The following SASH1 variants were observed in gnomAD, a reference collection of about 807,000 sequenced individuals.
The protein encoded by SASH1 is SAM and SH3 domain-containing protein 1.
A neutral mutation model predicts 125.2 loss-of-function variants in SASH1; 44 were observed. The ratio of observed to expected loss-of-function variants is 0.35; its 90% confidence interval spans 0.28 to 0.45. The LOEUF (loss-of-function observed/expected upper bound fraction) is 0.45, where lower values mean the gene tolerates loss of function less well. SASH1 is among the 20% of genes least tolerant of loss of function. The probability of loss-of-function intolerance (pLI) is 1.00; values close to 1 mark genes in which losing one functional copy is unlikely to be tolerated. For synonymous variants in SASH1, 639 were observed against 649.1 expected, an observed-to-expected ratio of 0.98 and a Z score of 0.24; for missense variants, 1,426 against 1,614.5, an observed-to-expected ratio of 0.88 and a Z score of 2.00.
chr6:148,413,121 G>T (rs1234164705), intron 2 of SASH1, among the ~76,000 whole-genome samples: 1 of 152,170 alleles, frequency 6.6e-6, no homozygotes, highest in African/African-American at 2.4e-5. Context: ...TTCAGTTTCA[G>T]TTACATTAGT....
At chr6:148,251,937 G>GT in the SASH1 span, among the ~76,000 whole-genome samples, 2 of 149,086 alleles carry the variant, frequency 1.3e-5, no homozygotes, top group South Asian at 2.1e-4. Context: ...GCGGTGTTTG[G>GT]TTTTTTGTCC....
intron 1 of SASH1, among the ~76,000 whole-genome samples, chr6:148,354,013 A>T (rs1361329293): frequency 6.6e-6 from 1 of 152,088 alleles, no homozygotes; most frequent in Non-Finnish European, 1.5e-5. Context: ...CTACAAAAAA[A>T]ATTTAAAAGA....
intron 5 of SASH1, among the ~76,000 whole-genome samples, chr6:148,470,247 T>C (rs532273302): frequency 6.6e-6 from 1 of 152,164 alleles, no homozygotes; most frequent in African/African-American, 2.4e-5. Context: ...TTCCCACAGC[T>C]CTGGGGGCTG....
intron 1 of SASH1, chr6:148,280,409 A>T (rs983663543): frequency 6.6e-6 from 1 of 152,112 alleles, no homozygotes; most frequent in Non-Finnish European, 1.5e-5. Context: ...GGATATAATA[A>T]CACTCACCTT....
intron 1 of SASH1, among the ~76,000 whole-genome samples, chr6:148,358,739 T>G (rs9498012): frequency 0.32 from 44,856 of 139,456 alleles, 7,436 homozygotes; most frequent in East Asian, 0.42. Flanking sequence ...TTTTGTTTTT[T>G]TTTTTTTTTT....
At position 148,548,721 on chromosome 6, in the gene SASH1, C is replaced by G. The variant is rs1328593150; in HGVS notation, c.*163C>G. ...ACCTTGGCACAGGACTGAGGATCCT[C>G]TCCTCCAGAAAAGCCCCCTCGAGGA... On this transcript the variant is annotated 3_prime_UTR_variant, in exon 20 of 20. Coordinates refer to ENST00000367467, the MANE Select transcript of SASH1 (RefSeq NM_015278.5). 1 of 723,230 alleles carries G rather than the reference C, an allele frequency of 1.4e-6. No homozygotes were observed. The allele number at this position is 723,230 out of a possible 1,614,324, so 44.8% of individuals were successfully genotyped here.
At chr6:148,541,660 C>G (rs1782225780) in intron 17 of SASH1, among the ~76,000 whole-genome samples, 1 of 152,074 alleles carries the variant, frequency 6.6e-6, no homozygotes, top group Non-Finnish European at 1.5e-5. Context: ...AAGTGGGTGT[C>G]CAGGATGCAA....
At chr6:148,528,743 G>A (rs1318297757) in intron 12 of SASH1, among the ~76,000 whole-genome samples, 1 of 152,202 alleles carries the variant, frequency 6.6e-6, no homozygotes, top group Non-Finnish European at 1.5e-5. Context: ...TGGTTTCGTG[G>A]AAGGCAATTT....
intron 12 of SASH1, among the ~76,000 whole-genome samples, chr6:148,530,018 G>T (rs1438138055): frequency 6.6e-6 from 1 of 152,096 alleles, no homozygotes; most frequent in Non-Finnish European, 1.5e-5. Context: ...CGTTGGCCAG[G>T]CTGGTCTCGA....
chr6:148,237,508 T>G, the SASH1 span: 1 of 152,222 alleles, frequency 6.6e-6, no homozygotes, highest in Non-Finnish European at 1.5e-5. Flanking sequence ...TATTCCATTT[T>G]TTTTGTCCTC....
intron 1 of SASH1, among the ~76,000 whole-genome samples, chr6:148,379,542 C>T (rs763743924): frequency 5.3e-5 from 8 of 152,166 alleles, no homozygotes; most frequent in South Asian, 2.1e-4. Context: ...TCCTAGTTAC[C>T]GAGTGAATTT....
intron 7 of SASH1, among the ~76,000 whole-genome samples, chr6:148,477,366 G>A (rs1015016676): frequency 4.0e-5 from 6 of 151,708 alleles, no homozygotes; most frequent in Non-Finnish European, 7.4e-5. Context: ...AACTCAATAG[G>A]AAAAAAAATC....
Position 148,531,636 on chromosome 6 carries a change from T to C in SASH1, c.1539T>C (p.Ser513=). The C allele has an allele frequency of 6.4e-7, 1 of 1,558,996 alleles. No homozygotes were observed. The highest frequency in any genetic ancestry group is 8.7e-7 in the Non-Finnish European group (1 of 1,154,418). The part of the protein sequence containing the change: ...KAGGSVESLR[S]SLSGQSSMSG... The stretch of plus-strand genomic sequence containing the variant: ...GGGGTTCTGTAGAAAGTCTTCGCAG[T>C]TCTCTCAGTGGGCAGAGCTCCATGA... The change falls in exon 13 of 20, where the codon AGT becomes AGC. Residue 513 remains serine (S), a synonymous_variant. Coordinates refer to ENST00000367467, the MANE Select transcript of SASH1 (RefSeq NM_015278.5).
At chr6:148,277,566 A>T (rs528782995) in intron 1 of SASH1, among the ~76,000 whole-genome samples, 44 of 152,350 alleles carry the variant, frequency 2.9e-4, no homozygotes, top group African/African-American at 1.1e-3. Flanking sequence ...AATGTCCAGG[A>T]AATTCTACAA....
chr6:148,424,815 C>T (rs1295885758), intron 2 of SASH1, among the ~76,000 whole-genome samples: 1 of 152,218 alleles, frequency 6.6e-6, no homozygotes, highest in Non-Finnish European at 1.5e-5. Flanking sequence ...GAGCAGCCTT[C>T]TTTGGACCAG....
rs538127288 is a variant in SASH1 at position 148,323,773 on chromosome 6, G to A, written n.74+51396G>A. 4.6e-5 allele frequency among the ~76,000 whole-genome samples: 7 copies of A among 152,230 alleles called. No homozygotes were observed. The South Asian group carries it at 1.2e-3, about 27-fold the overall frequency. On this transcript the variant is annotated intron_variant and non_coding_transcript_variant, in intron 1 of 3. Transcript: ENST00000367469. Reference sequence around the variant, plus strand: ...GGAGGCACTGCTCAGGCATACATGAGCCACATGTATGGAGGCTACATGTGT... The same window carrying A: ...GGAGGCACTGCTCAGGCATACATGAACCACATGTATGGAGGCTACATGTGT...
chr6:148,395,516 A>C (rs1562378137), intron 2 of SASH1, among the ~76,000 whole-genome samples: 1 of 152,246 alleles, frequency 6.6e-6, no homozygotes, highest in Non-Finnish European at 1.5e-5. Flanking sequence ...TTTGGTGAAG[A>C]CAACAGAGAG....
intron 12 of SASH1, among the ~76,000 whole-genome samples, 182 bp from the exon 13 acceptor site, chr6:148,531,344 T>C (rs1311040214): frequency 6.6e-6 from 1 of 152,204 alleles, no homozygotes; most frequent in Non-Finnish European, 1.5e-5. Context: ...AATAGTGACA[T>C]TGGCCACGAC....
At chr6:148,534,230 G>T (rs554251355) in intron 15 of SASH1, among the ~76,000 whole-genome samples, 1 of 152,324 alleles carries the variant, frequency 6.6e-6, no homozygotes, top group Non-Finnish European at 1.5e-5. Flanking sequence ...GCTGCTGGAA[G>T]AGCTGTAGGC....
Sources: allele counts gnomAD v4.1 joint callset (sites outside exome capture counted in the v4.1 genomes callset), GRCh38; gene constraint gnomAD v4.1.1; transcripts MANE v1.5; gene names NCBI Gene and HGNC (gene_info 2026-07-23, HGNC 2026-07-21).